CEP43: variants seen among roughly 807,000 people sequenced by gnomAD.
The protein encoded by CEP43 is FGFR1 oncogene partner.
A neutral mutation model predicts 52.6 loss-of-function variants in CEP43; 36 were observed. The observed-to-expected ratio is 0.68, with a 90% CI of 0.52 to 0.90. The LOEUF is 0.90. Among genes scored for constraint, CEP43 ranks in the 40% least tolerant of loss-of-function variants. CEP43 has a pLI of 0.00. For synonymous variants in CEP43, 192 were observed against 172.4 expected, an observed-to-expected ratio of 1.11 and a Z score of -0.89; for missense variants, 506 against 472.8, an observed-to-expected ratio of 1.07 and a Z score of -0.65.
chr6:167,033,419 T>G (rs1047842030), intron 11 of CEP43, among the ~76,000 whole-genome samples: 7 of 152,192 alleles, frequency 4.6e-5, no homozygotes, highest in African/African-American at 1.7e-4. Context: ...GATTCCTTTC[T>G]TATACACAGA....
rs901518839 is a variant in CEP43 at position 167,052,562 on chromosome 6, A to T, written c.*12584A>T. 6.6e-6 allele frequency: 1 copy of T among 152,208 alleles called. No homozygotes were observed. The highest frequency in any genetic ancestry group is 2.4e-5 in the African/African-American group (1 of 41,448). 9.4% of individuals were successfully genotyped at this position (152,208 alleles called of 1,614,324 possible). ...CCAAGTGACCCTATACTGGCGGCAG[A>T]ACTTCTCGATTTTGCGGATTTCAAA... is the stretch of plus-strand genomic sequence containing the variant. On this transcript the variant is annotated 3_prime_UTR_variant, in exon 13 of 13. Transcript: ENST00000366847.
intron 9 of CEP43, among the ~76,000 whole-genome samples, chr6:167,026,110 A>T (rs1377119410): frequency 6.6e-6 from 1 of 152,228 alleles, no homozygotes; most frequent in African/African-American, 2.4e-5. Context: ...CACGCCTGTA[A>T]TACCAGCACT....
intron 3 of CEP43, 70 bp from the exon 4 acceptor site, chr6:167,003,649 CTATT>C: frequency 3.5e-6 from 3 of 851,208 alleles, no homozygotes; most frequent in Non-Finnish European, 5.8e-6. Context: ...TTTAGTGTAT[CTATT>C]TCATAATGTT....
intron 10 of CEP43, among the ~76,000 whole-genome samples, chr6:167,031,769 T>C (rs1238135654): frequency 6.6e-6 from 1 of 152,198 alleles, no homozygotes; most frequent in Non-Finnish European, 1.5e-5. Flanking sequence ...CAAGTCTGCT[T>C]TGAGGCTGAC....
At position 167,010,860 on chromosome 6, in the gene CEP43, G is replaced by A. The variant is rs1483064368; in HGVS notation, c.486G>A (p.Glu162=). ...TACATTCTCCACCAAAGTCACCAGA[G>A]GGAAAAACAAGTGCACAGACAACAC... ...SDVHSPPKSP[E]GKTSAQTTPS... The change falls in exon 6 of 13, where the codon GAG becomes GAA. Residue 162 remains glutamate (E), a synonymous_variant. Transcript: ENST00000366847. 1 of 1,600,254 alleles carries A rather than the reference G, an allele frequency of 6.2e-7. No individual in the cohort carries two copies. Among genetic ancestry groups the A allele is most frequent in the African/African-American group, 1.3e-5 (1 of 74,264 alleles).
chr6:167,029,173 G>A (rs1780415450), intron 10 of CEP43, among the ~76,000 whole-genome samples: 1 of 152,212 alleles, frequency 6.6e-6, no homozygotes, highest in Non-Finnish European at 1.5e-5. Flanking sequence ...AAGAATGAAA[G>A]TAAGGAAAGC....
At position 167,041,490 on chromosome 6, in the gene CEP43, G is replaced by C; in HGVS notation, c.*1512G>C. The C allele has an allele frequency of 9.5e-7, 1 of 1,057,784 alleles. No homozygotes were observed. The highest frequency in any genetic ancestry group is 1.1e-6 in the Non-Finnish European group (1 of 874,586). 65.5% of individuals were successfully genotyped at this position (1,057,784 alleles called of 1,614,324 possible). On this transcript the variant is annotated 3_prime_UTR_variant, in exon 13 of 13. Transcript: ENST00000366847. ...CAGCACCACGTGCAGATGTAATCTT[G>C]TTGCAGTCCCCCAGTGTGGTTGTTA...
intron 12 of CEP43, 56 bp downstream of exon 12, chr6:167,034,027 T>C: frequency 1.3e-6 from 1 of 779,502 alleles, no homozygotes; most frequent in African/African-American, 1.8e-5. Flanking sequence ...TATTTGTCGA[T>C]TTACTGTAAA....
chr6:167,030,992 C>A (rs1405162966), intron 10 of CEP43, among the ~76,000 whole-genome samples: 1 of 152,146 alleles, frequency 6.6e-6, no homozygotes, highest in African/African-American at 2.4e-5. Context: ...CCCATTCTGT[C>A]CCCCAAATTC....
At chr6:167,016,998 T>A (rs7751133) in intron 7 of CEP43, among the ~76,000 whole-genome samples, 73,443 of 149,116 alleles carry the variant, frequency 0.49, 18,075 homozygotes, top group Non-Finnish European at 0.53. Context: ...TTATTTTTTT[T>A]TTTTTTTATT....
intron 10 of CEP43, chr6:167,028,305 T>A: frequency 1.0e-6 from 1 of 985,416 alleles, no homozygotes; most frequent in Non-Finnish European, 1.2e-6. Context: ...GGAATGTCGT[T>A]GCTGGGGCTG....
rs1780820617 is a variant in CEP43 at position 167,047,753 on chromosome 6, T to G, written c.*7775T>G. 1 of 152,134 alleles carries G rather than the reference T, an allele frequency of 6.6e-6. No homozygotes were observed. Among genetic ancestry groups the G allele is most frequent in the Non-Finnish European group, 1.5e-5 (1 of 68,034 alleles). 9.4% of individuals were successfully genotyped at this position (152,134 alleles called of 1,614,324 possible). A position where few individuals can be genotyped will look rare whatever the true frequency, so the allele number is the denominator to read the frequency against. ...GATGTATTTTTATGACCTGGCAGCT[T>G]TTTTCTCATATCCCTGTTAGCGGTA... On this transcript the variant is annotated 3_prime_UTR_variant, in exon 13 of 13. Coordinates refer to ENST00000366847, the MANE Select transcript of CEP43 (RefSeq NM_007045.4).
At chr6:167,022,289 C>CACACACACACACACAT (rs962565166) in intron 7 of CEP43, 120 bp from the exon 8 acceptor site, 1 of 664,664 alleles carries the variant, frequency 1.5e-6, no homozygotes, top group African/African-American at 1.9e-5. Flanking sequence ...CACACACACA[C>CACACACACACACACAT]ACACACAAAG....
In CEP43 at chr6:167,040,186, CTTAAT is replaced by C. The variant is rs1004955392; in HGVS notation, c.*213_*217del. On this transcript the variant is annotated 3_prime_UTR_variant, in exon 13 of 13. Transcript: ENST00000366847. ...GCCCATGTGTGGAAGATTTAATATT[CTTAAT>C]TTAACTGTACATTTCTTTATGGAAA... is the stretch of plus-strand genomic sequence containing the variant. The C allele has an allele frequency of 4.6e-6, 7 of 1,529,632 alleles. No individual in the cohort carries two copies. In the Admixed American group the frequency reaches 8.0e-5, roughly 17 times the overall value. The allele number at this position is 1,529,632 out of a possible 1,614,324, so 94.8% of individuals were successfully genotyped here. A position where few individuals can be genotyped will look rare whatever the true frequency, so the allele number is the denominator to read the frequency against.
At chr6:167,038,026 G>C (rs1482166573) in intron 12 of CEP43, among the ~76,000 whole-genome samples, 1 of 152,126 alleles carries the variant, frequency 6.6e-6, no homozygotes, top group African/African-American at 2.4e-5. Flanking sequence ...CTGCCCAGCT[G>C]TATGTTCTAT....
chr6:167,030,267 G>C (rs1272575490), intron 10 of CEP43, among the ~76,000 whole-genome samples: 1 of 152,304 alleles, frequency 6.6e-6, no homozygotes, highest in Non-Finnish European at 1.5e-5. Context: ...GTCCACCTCT[G>C]CTCTCCTCAC....
Position 167,003,708 on chromosome 6 carries a change from T to C in CEP43, c.212-15T>C. Reference sequence around the variant, plus strand: ...TTGAAGATTTGCTTACTTACCTTTTTCTTGATCTTTATAGGTCGTTTAGTG... The same window carrying C: ...TTGAAGATTTGCTTACTTACCTTTTCCTTGATCTTTATAGGTCGTTTAGTG... On this transcript the variant is annotated splice_polypyrimidine_tract_variant and intron_variant, in intron 3 of 12. Coordinates refer to ENST00000366847, the MANE Select transcript of CEP43 (RefSeq NM_007045.4). 1 of 1,562,216 alleles carries C rather than the reference T, an allele frequency of 6.4e-7. No individual in the cohort carries two copies. The highest frequency in any genetic ancestry group is 2.2e-5 in the East Asian group (1 of 44,522).
intron 10 of CEP43, among the ~76,000 whole-genome samples, chr6:167,031,871 A>AGGTGCCCCC (rs1642622583): frequency 6.6e-6 from 1 of 152,218 alleles, no homozygotes; most frequent in African/African-American, 2.4e-5. Context: ...GTTGATCTGA[A>AGGTGCCCCC]GGTGCCCCCT....
At chr6:167,016,843 A>AGGC (rs1161496707) in intron 7 of CEP43, among the ~76,000 whole-genome samples, 1 of 151,860 alleles carries the variant, frequency 6.6e-6, no homozygotes, top group African/African-American at 2.4e-5. Flanking sequence ...TGGGGGGCAG[A>AGGC]GGCATGGGTG....
Sources: gnomAD v4.1 joint callset for allele counts (sites outside exome capture counted in the v4.1 genomes callset) on GRCh38, gnomAD v4.1.1 for gene constraint, MANE v1.5 for transcripts, NCBI Gene and HGNC (gene_info 2026-07-23, HGNC 2026-07-21) for gene names.